The following FBXO4 variants were observed in gnomAD, a reference collection of about 807,000 sequenced individuals.
The protein encoded by FBXO4 is F-box protein 4.
Under a neutral mutation model 43.7 loss-of-function variants are expected in FBXO4, and 36 were observed. That is an observed-to-expected ratio of 0.82 (90% CI 0.63 to 1.09). The LOEUF (loss-of-function observed/expected upper bound fraction) is 1.09. Among genes scored for constraint, FBXO4 ranks in the 50% least tolerant of loss-of-function variants. FBXO4 has a pLI of 0.00. For missense variants in FBXO4, 435 were observed against 474.1 expected (o/e 0.92, Z 0.77); for synonymous variants, 180 against 165.6 (o/e 1.09, Z -0.67).
chr5:42,004,746 A>T, the FBXO4 span, among the ~76,000 whole-genome samples: 1 of 152,156 alleles, frequency 6.6e-6, no homozygotes, highest in Non-Finnish European at 1.5e-5. Flanking sequence ...AAAAAAAACA[A>T]ACCACAAGAA....
chr5:42,020,694 T>C, the FBXO4 span, among the ~76,000 whole-genome samples: 1 of 152,032 alleles, frequency 6.6e-6, no homozygotes, highest in Admixed American at 6.6e-5. Context: ...GGAGGAAGAA[T>C]GAAATAGAAG....
intron 5 of FBXO4, among the ~76,000 whole-genome samples, chr5:41,938,299 C>A (rs952728814): frequency 1.3e-5 from 2 of 152,006 alleles, no homozygotes; most frequent in African/African-American, 4.8e-5. Flanking sequence ...TAAAGGTAGA[C>A]TTACAAATTA....
the FBXO4 span, among the ~76,000 whole-genome samples, chr5:41,987,700 T>C: frequency 6.6e-6 from 1 of 152,230 alleles, no homozygotes; most frequent in Non-Finnish European, 1.5e-5. Flanking sequence ...GTGTGCATTT[T>C]ACCATCTTCC....
At chr5:42,006,073 T>A in the FBXO4 span, among the ~76,000 whole-genome samples, 1 of 152,114 alleles carries the variant, frequency 6.6e-6, no homozygotes, top group Non-Finnish European at 1.5e-5. Context: ...TATTGACATA[T>A]GTTGACATAT....
the FBXO4 span, among the ~76,000 whole-genome samples, chr5:41,953,983 G>T: frequency 6.6e-6 from 1 of 152,134 alleles, no homozygotes; most frequent in Non-Finnish European, 1.5e-5. Flanking sequence ...CTGGATTCAA[G>T]GTTATTAAAT....
At chr5:41,934,996 T>C (rs1751812631) in intron 5 of FBXO4, 1 of 984,906 alleles carries the variant, frequency 1.0e-6, no homozygotes, top group Non-Finnish European at 1.2e-6. Context: ...ATTCAATTTA[T>C]TTTCCCTGTG....
the FBXO4 span, among the ~76,000 whole-genome samples, chr5:42,009,016 A>T: frequency 3.9e-5 from 6 of 152,210 alleles, no homozygotes; most frequent in African/African-American, 1.4e-4. Context: ...GGTAGATAGG[A>T]TGGAGGTTAA....
chr5:41,966,634 TAGAC>T, the FBXO4 span, among the ~76,000 whole-genome samples: 3 of 152,216 alleles, frequency 2.0e-5, no homozygotes, highest in Non-Finnish European at 2.9e-5. Flanking sequence ...CAGTTCTACT[TAGAC>T]AGACCTGGTT....
chr5:42,039,208 G>A, the FBXO4 span, among the ~76,000 whole-genome samples: 54 of 152,154 alleles, frequency 3.5e-4, no homozygotes, highest in African/African-American at 1.2e-3. Flanking sequence ...ATCACAACTT[G>A]TGCTTTTTTG....
the FBXO4 span, among the ~76,000 whole-genome samples, chr5:41,999,315 T>C: frequency 6.7e-6 from 1 of 149,936 alleles, no homozygotes; most frequent in Non-Finnish European, 1.5e-5. Context: ...CTTAGTATTC[T>C]GTTCCTCTAG....
chr5:41,932,792 A>G (rs1329893108), intron 3 of FBXO4, among the ~76,000 whole-genome samples: 1 of 152,220 alleles, frequency 6.6e-6, no homozygotes, highest in Non-Finnish European at 1.5e-5. Context: ...AGAACTGAAC[A>G]GATCTAGAAG....
chr5:42,037,319 C>T, the FBXO4 span, among the ~76,000 whole-genome samples: 13 of 151,966 alleles, frequency 8.6e-5, no homozygotes, highest in South Asian at 2.1e-4. Flanking sequence ...AAGCACTCCC[C>T]GTCCCCCACC....
At chr5:42,005,728 C>A in the FBXO4 span, among the ~76,000 whole-genome samples, 1 of 152,090 alleles carries the variant, frequency 6.6e-6, no homozygotes, top group Non-Finnish European at 1.5e-5. Flanking sequence ...TGTATCACCC[C>A]TTCCTTACCA....
the FBXO4 span, among the ~76,000 whole-genome samples, chr5:42,021,283 G>A: frequency 1.3e-5 from 2 of 152,104 alleles, no homozygotes; most frequent in African/African-American, 4.8e-5. Context: ...TGGATACAAG[G>A]GAAAGATTCA....
At chr5:42,032,055 TTC>T in the FBXO4 span, among the ~76,000 whole-genome samples, 139 of 133,674 alleles carry the variant, frequency 1.0e-3, no homozygotes, top group African/African-American at 3.9e-3. Context: ...CTGTCTTTTT[TTC>T]TGTGTGTGTG....
chr5:41,977,052 G>T, the FBXO4 span, among the ~76,000 whole-genome samples: 145 of 152,310 alleles, frequency 9.5e-4, no homozygotes, highest in Non-Finnish European at 1.0e-3. Flanking sequence ...AGCTAGAGCT[G>T]CTGGGATGTG....
chr5:41,988,521 G>A, the FBXO4 span, among the ~76,000 whole-genome samples: 1 of 152,118 alleles, frequency 6.6e-6, no homozygotes, highest in African/African-American at 2.4e-5. Context: ...TTGATGACTG[G>A]GCCCCCTGGA....
At chr5:41,962,583 C>T in the FBXO4 span, among the ~76,000 whole-genome samples, 1 of 152,136 alleles carries the variant, frequency 6.6e-6, no homozygotes, top group Non-Finnish European at 1.5e-5. Flanking sequence ...TTATGCCTTG[C>T]CCTTAGATTT....
the FBXO4 span, chr5:41,951,990 A>G: frequency 3.1e-6 from 1 of 324,966 alleles, no homozygotes; most frequent in Non-Finnish European, 6.0e-6. Context: ...AGGGTTTCCA[A>G]TCACAGCAAT....
Sources: gnomAD v4.1 joint callset for allele counts (sites outside exome capture counted in the v4.1 genomes callset) on GRCh38, gnomAD v4.1.1 for gene constraint, MANE v1.5 for transcripts, NCBI Gene and HGNC (gene_info 2026-07-23, HGNC 2026-07-21) for gene names.